Variants in LIMD1 observed in about 807,000 individuals in gnomAD.
The protein encoded by LIMD1 is LIM domain containing 1.
Under a neutral mutation model 58.4 loss-of-function variants are expected in LIMD1, and 23 were observed. The observed-to-expected ratio is 0.39, with a 90% CI of 0.28 to 0.56. The LOEUF (loss-of-function observed/expected upper bound fraction) is 0.56, where lower values mean the gene tolerates loss of function less well. LIMD1 is among the 20% of genes least tolerant of loss of function. The pLI is 0.57. For missense variants in LIMD1, 838 were observed against 855.5 expected, an observed-to-expected ratio of 0.98 and a Z score of 0.25; for synonymous variants, 334 against 345.5, an observed-to-expected ratio of 0.97 and a Z score of 0.37.
At chr3:45,661,221 G>A (rs78564990) in intron 2 of LIMD1, among the ~76,000 whole-genome samples, 3,766 of 152,182 alleles carry the variant, frequency 0.025, 69 homozygotes, top group Middle Eastern at 0.044. Flanking sequence ...GGAAAAAATG[G>A]TAATTGAAAA....
chr3:45,631,309 A>C (rs925079350), intron 1 of LIMD1, among the ~76,000 whole-genome samples: 21 of 152,118 alleles, frequency 1.4e-4, no homozygotes, highest in Middle Eastern at 3.4e-3. Context: ...TCAAAAAAAA[A>C]ACAAAGAAAG....
chr3:45,600,560 C>G (rs1336649467), intron 1 of LIMD1, among the ~76,000 whole-genome samples: 1 of 152,146 alleles, frequency 6.6e-6, no homozygotes, highest in East Asian at 1.9e-4. Context: ...CTCTTTGTGT[C>G]TCTCTGTCCA....
intron 4 of LIMD1, among the ~76,000 whole-genome samples, chr3:45,669,323 A>C (rs932969551): frequency 6.6e-6 from 1 of 152,202 alleles, no homozygotes; most frequent in African/African-American, 2.4e-5. Context: ...TGATTATATA[A>C]CATACTTTAA....
chr3:45,641,406 TTG>T (rs1701840956), intron 2 of LIMD1, among the ~76,000 whole-genome samples: 1 of 152,014 alleles, frequency 6.6e-6, no homozygotes, highest in Non-Finnish European at 1.5e-5. Flanking sequence ...CTGAACATAC[TTG>T]TATATGTATC....
chr3:45,619,176 A>G (rs1701606549), intron 1 of LIMD1, among the ~76,000 whole-genome samples: 1 of 151,914 alleles, frequency 6.6e-6, no homozygotes, highest in African/African-American at 2.4e-5. Context: ...TTATTTATCT[A>G]TTATTTTTTT....
intron 7 of LIMD1, among the ~76,000 whole-genome samples, chr3:45,675,225 T>C (rs1221375464): frequency 6.6e-6 from 1 of 152,150 alleles, no homozygotes; most frequent in African/African-American, 2.4e-5. Context: ...TCTAGACCAG[T>C]GCTATCCAAA....
chr3:45,666,857 T>G (rs1697527275), intron 3 of LIMD1, among the ~76,000 whole-genome samples: 3 of 152,204 alleles, frequency 2.0e-5, no homozygotes, highest in African/African-American at 7.2e-5. Flanking sequence ...ATGAGGAATG[T>G]GAGATGCAGA....
rs1697754110 is a variant in LIMD1, at chr3:45,682,199, C to G, written c.*5140C>G. The G allele has an allele frequency of 6.6e-6, 1 of 152,072 alleles. No homozygotes were observed. Among genetic ancestry groups the G allele is most frequent in the South Asian group, 2.1e-4 (1 of 4,816 alleles). The allele number at this position is 152,072 out of a possible 1,614,324, so 9.4% of individuals were successfully genotyped here. A position where few individuals can be genotyped will look rare whatever the true frequency, so the allele number is the denominator to read the frequency against. On this transcript the variant is annotated 3_prime_UTR_variant, in exon 8 of 8. Transcript: ENST00000273317. The stretch of plus-strand genomic sequence containing the variant: ...TTCTTTTTAAGTGATGAGAGAATGG[C>G]TAGTCTGATTTTGCCAACATGGGCT...
At chr3:45,628,753 A>T (rs1219213574) in intron 1 of LIMD1, among the ~76,000 whole-genome samples, 3 of 152,238 alleles carry the variant, frequency 2.0e-5, no homozygotes, top group Non-Finnish European at 2.9e-5. Context: ...CAAACTGGAA[A>T]CAACTTATGT....
intron 1 of LIMD1, among the ~76,000 whole-genome samples, chr3:45,611,797 C>T (rs771218870): frequency 9.2e-5 from 14 of 152,288 alleles, no homozygotes; most frequent in Non-Finnish European, 2.1e-4. Flanking sequence ...CTTTGTTGGC[C>T]AGCCACAGAG....
intron 1 of LIMD1, among the ~76,000 whole-genome samples, chr3:45,601,382 G>A (rs1316674614): frequency 1.3e-5 from 2 of 152,224 alleles, no homozygotes; most frequent in Admixed American, 6.5e-5. Context: ...GTGACTTTGG[G>A]CGAGGCAGCT....
At chr3:45,596,673 C>A (rs975526111) in intron 1 of LIMD1, among the ~76,000 whole-genome samples, 13 of 151,932 alleles carry the variant, frequency 8.6e-5, no homozygotes, top group African/African-American at 2.9e-4. Context: ...GGGCAGCTAC[C>A]CCTGAGCGTT....
intron 1 of LIMD1, among the ~76,000 whole-genome samples, chr3:45,601,671 G>C (rs11130071): frequency 0.011 from 1,667 of 152,316 alleles, 36 homozygotes; most frequent in African/African-American, 0.036. Flanking sequence ...TTTGATGTAG[G>C]CACCATTCTC....
At chr3:45,665,744 T>C in intron 3 of LIMD1, 27 bp downstream of exon 3, 1 of 1,606,628 alleles carries the variant, frequency 6.2e-7, no homozygotes, top group Non-Finnish European at 8.5e-7. Context: ...AGCCTCCCCT[T>C]GCATGTCCTG....
chr3:45,643,411 G>C (rs1298103999), intron 2 of LIMD1, among the ~76,000 whole-genome samples: 1 of 151,996 alleles, frequency 6.6e-6, no homozygotes, highest in Non-Finnish European at 1.5e-5. Flanking sequence ...CTTGAACCCA[G>C]GAGGCGGAGT....
At chr3:45,617,391 G>C (rs956604041) in intron 1 of LIMD1, among the ~76,000 whole-genome samples, 9 of 152,078 alleles carry the variant, frequency 5.9e-5, no homozygotes, top group African/African-American at 1.7e-4. Flanking sequence ...CTAAGAAAGG[G>C]CCCTGATGGT....
rs937058768 is a variant in LIMD1, at chr3:45,677,762, G to C, written c.*703G>C. On this transcript the variant is annotated 3_prime_UTR_variant, in exon 8 of 8. Transcript: ENST00000273317. ...CTCTCCTAAAGGCAGCTGAGTCCGC[G>C]ACAGAAATTTGCCCTATGTGAGTAA... 6.6e-6 allele frequency: 1 copy of C among 152,148 alleles called. No homozygotes were observed. The highest frequency in any genetic ancestry group is 1.5e-5 in the Non-Finnish European group (1 of 68,038). 9.4% of individuals were successfully genotyped at this position (152,148 alleles called of 1,614,324 possible). A position where few individuals can be genotyped will look rare whatever the true frequency, so the allele number is the denominator to read the frequency against.
rs1697502017 is a variant in LIMD1 at position 45,665,366 on chromosome 3, A to C, written c.1511-284A>C. On this transcript the variant is annotated intron_variant, in intron 2 of 7. Coordinates refer to ENST00000273317, the MANE Select transcript of LIMD1 (RefSeq NM_014240.3). ...CCAAATGCTTTGCTGGCATCTTTCC[A>C]AGCAGATAGGAGGTGCTGGAAGGTG... 3.3e-5 allele frequency among the ~76,000 whole-genome samples: 5 copies of C among 151,670 alleles called. No homozygotes were observed. In the South Asian group the frequency reaches 1.0e-3, roughly 32 times the overall value.
chr3:45,676,001 C>T (rs765629810), intron 7 of LIMD1, among the ~76,000 whole-genome samples: 42 of 151,970 alleles, frequency 2.8e-4, no homozygotes, highest in Non-Finnish European at 5.3e-4. Context: ...GCCTGTAATC[C>T]CAGCACTTTG....
Sources: gnomAD v4.1 joint callset for allele counts (sites outside exome capture counted in the v4.1 genomes callset) on GRCh38, gnomAD v4.1.1 for gene constraint, MANE v1.5 for transcripts, NCBI Gene and HGNC (gene_info 2026-07-23, HGNC 2026-07-21) for gene names.